The following DNER variants were observed in gnomAD, a reference collection of about 807,000 sequenced individuals.
The protein encoded by DNER is delta and Notch-like epidermal growth factor-related receptor.
A neutral mutation model predicts 78.2 loss-of-function variants in DNER; 33 were observed. The observed-to-expected ratio is 0.42, with a 90% CI of 0.32 to 0.56. The LOEUF (loss-of-function observed/expected upper bound fraction) is 0.56, where lower values mean the gene tolerates loss of function less well. Ranked by LOEUF, DNER falls within the 20% of genes least tolerant of loss-of-function variation. DNER has a pLI of 0.11. For missense variants in DNER, 918 were observed against 975.3 expected (o/e 0.94, Z 0.78); for synonymous variants, 417 against 384.8 (o/e 1.08, Z -0.98).
At chr2:229,543,180 A>G (rs767570345) in intron 5 of DNER, among the ~76,000 whole-genome samples, 19 of 152,172 alleles carry the variant, frequency 1.2e-4, no homozygotes, top group Non-Finnish European at 1.6e-4. Flanking sequence ...AAGAAGAACA[A>G]GAAGAAGCTG....
chr2:229,380,533 T>C (rs1692712866), intron 11 of DNER, among the ~76,000 whole-genome samples: 1 of 152,216 alleles, frequency 6.6e-6, no homozygotes, highest in South Asian at 2.1e-4. Context: ...CCAGCATGGT[T>C]AGCTCTCTTC....
intron 1 of DNER, among the ~76,000 whole-genome samples, chr2:229,641,686 G>T (rs1698627650): frequency 6.6e-6 from 1 of 151,566 alleles, no homozygotes; most frequent in Non-Finnish European, 1.5e-5. Flanking sequence ...AATGAAGCAG[G>T]TAGATATATG....
chr2:229,540,170 T>C (rs1477446797), intron 5 of DNER, among the ~76,000 whole-genome samples: 1 of 152,114 alleles, frequency 6.6e-6, no homozygotes, highest in South Asian at 2.1e-4. Context: ...AGCAGGAAGA[T>C]TTTGAGCTGA....
intron 11 of DNER, among the ~76,000 whole-genome samples, chr2:229,367,350 C>T (rs1692374610): frequency 6.6e-6 from 1 of 152,150 alleles, no homozygotes; most frequent in Admixed American, 6.5e-5. Context: ...GCTGTAATCC[C>T]AGCACTTTGG....
intron 4 of DNER, among the ~76,000 whole-genome samples, chr2:229,584,503 A>C (rs1397342425): frequency 6.6e-6 from 1 of 152,190 alleles, no homozygotes; most frequent in Non-Finnish European, 1.5e-5. Context: ...TGAGAAACAA[A>C]GACAACTGAA....
intron 1 of DNER, among the ~76,000 whole-genome samples, chr2:229,696,657 C>A (rs1165194683): frequency 6.6e-6 from 1 of 152,130 alleles, no homozygotes; most frequent in East Asian, 1.9e-4. Context: ...CTAGGCTGAG[C>A]CAGAGAACAA....
chr2:229,560,035 G>T (rs1696926289), intron 4 of DNER, among the ~76,000 whole-genome samples: 1 of 152,304 alleles, frequency 6.6e-6, no homozygotes, highest in Admixed American at 6.5e-5. Flanking sequence ...CAACCAAAAG[G>T]GGCTCCAGTC....
intron 6 of DNER, 35 bp from the exon 7 acceptor site, chr2:229,477,288 G>A: frequency 6.5e-7 from 1 of 1,539,898 alleles, no homozygotes; most frequent in East Asian, 2.3e-5. Context: ...TATAAAATAA[G>A]CTCTTCCAGA....
At chr2:229,675,916 C>A (rs1045829096) in intron 1 of DNER, among the ~76,000 whole-genome samples, 4 of 152,176 alleles carry the variant, frequency 2.6e-5, no homozygotes, top group African/African-American at 9.7e-5. Context: ...AGTACCACTG[C>A]CAGGGCTGCT....
At chr2:229,659,945 ATATT>A (rs1323527413) in intron 1 of DNER, among the ~76,000 whole-genome samples, 1 of 152,120 alleles carries the variant, frequency 6.6e-6, no homozygotes. Context: ...TATAACTGCT[ATATT>A]TTGTCTACAT....
intron 6 of DNER, among the ~76,000 whole-genome samples, chr2:229,481,910 C>T (rs899827048): frequency 1.3e-5 from 2 of 152,206 alleles, no homozygotes; most frequent in African/African-American, 4.8e-5. Context: ...ACACAACAGG[C>T]ATTTCAGCCC....
intron 4 of DNER, among the ~76,000 whole-genome samples, chr2:229,553,596 T>C (rs1395582033): frequency 6.6e-6 from 1 of 152,174 alleles, no homozygotes; most frequent in Non-Finnish European, 1.5e-5. Flanking sequence ...AACTGACATG[T>C]CCGGCCTGCC....
At chr2:229,392,668 G>A (rs1010124020) in intron 10 of DNER, among the ~76,000 whole-genome samples, 3 of 152,070 alleles carry the variant, frequency 2.0e-5, no homozygotes, top group Non-Finnish European at 2.9e-5. Context: ...CTATTTAATG[G>A]ATTACCCAGT....
At chr2:229,642,989 G>A (rs533471433) in intron 1 of DNER, among the ~76,000 whole-genome samples, 81 of 152,234 alleles carry the variant, frequency 5.3e-4, no homozygotes, top group Admixed American at 2.7e-3. Context: ...TTTGGGAGGC[G>A]GGTGGATCAC....
chr2:229,443,387 C>T (rs1694277152), intron 8 of DNER, among the ~76,000 whole-genome samples: 1 of 152,210 alleles, frequency 6.6e-6, no homozygotes, highest in African/African-American at 2.4e-5. Context: ...CGAGTTCCAC[C>T]TCATCCTGTT....
At chr2:229,549,437 C>T (rs1332969849) in intron 4 of DNER, among the ~76,000 whole-genome samples, 1 of 152,150 alleles carries the variant, frequency 6.6e-6, no homozygotes, top group African/African-American at 2.4e-5. Context: ...TGCCAAGTAG[C>T]TGAGATTACA....
intron 8 of DNER, among the ~76,000 whole-genome samples, chr2:229,434,474 C>T (rs1694079596): frequency 6.6e-6 from 1 of 152,136 alleles, no homozygotes; most frequent in Non-Finnish European, 1.5e-5. Context: ...CTTGATGCAA[C>T]TGGATTACAA....
At chr2:229,397,034 A>T (rs1693161628) in intron 10 of DNER, among the ~76,000 whole-genome samples, 1 of 152,188 alleles carries the variant, frequency 6.6e-6, no homozygotes, top group African/African-American at 2.4e-5. Flanking sequence ...AAACAGATAC[A>T]TCACAATCAA....
intron 1 of DNER, among the ~76,000 whole-genome samples, chr2:229,610,745 C>A (rs993974247): frequency 6.6e-6 from 1 of 152,180 alleles, no homozygotes; most frequent in Non-Finnish European, 1.5e-5. Context: ...GCAGTCCTTT[C>A]ATGATACTTA....
Sources: gnomAD v4.1 joint callset for allele counts (sites outside exome capture counted in the v4.1 genomes callset) on GRCh38, gnomAD v4.1.1 for gene constraint, MANE v1.5 for transcripts, NCBI Gene and HGNC (gene_info 2026-07-23, HGNC 2026-07-21) for gene names.